Variants in SLC35D4 observed in about 807,000 individuals in gnomAD.
The protein encoded by SLC35D4 is UDP-N-acetylglucosamine transporter SLC35D4.
At chr18:23,404,979 C>T in the SLC35D4 span, among the ~76,000 whole-genome samples, 16,516 of 113,334 alleles carry the variant, frequency 0.15, 1,128 homozygotes, top group Middle Eastern at 0.31. Flanking sequence ...GGCAACAGAG[C>T]GAGACTCCGT....
the SLC35D4 span, among the ~76,000 whole-genome samples, chr18:23,302,573 G>A: frequency 6.6e-6 from 1 of 152,168 alleles, no homozygotes; most frequent in Admixed American, 6.5e-5. Context: ...CTAAGCTGTT[G>A]TCCATCCAAG....
the SLC35D4 span, chr18:23,309,835 G>T: frequency 8.0e-7 from 1 of 1,251,768 alleles, no homozygotes; most frequent in Non-Finnish European, 1.2e-6. Flanking sequence ...GCTCACTTGA[G>T]TTCGGATGCC....
the SLC35D4 span, among the ~76,000 whole-genome samples, chr18:23,299,265 C>A: frequency 1.3e-5 from 2 of 152,160 alleles, no homozygotes; most frequent in Non-Finnish European, 2.9e-5. Flanking sequence ...TCAGCAGCAA[C>A]CCACCCCTGT....
chr18:23,399,508 T>C, the SLC35D4 span: 3 of 1,530,092 alleles, frequency 2.0e-6, no homozygotes, highest in Non-Finnish European at 1.8e-6. Context: ...CATGATAAGT[T>C]AAAAGGCAAA....
At chr18:23,409,596 C>G in the SLC35D4 span, among the ~76,000 whole-genome samples, 1 of 152,162 alleles carries the variant, frequency 6.6e-6, no homozygotes, top group Non-Finnish European at 1.5e-5. Context: ...AATCCCACCA[C>G]TTTGGGAGGC....
the SLC35D4 span, chr18:23,253,862 G>T: frequency 1.2e-6 from 2 of 1,614,262 alleles, no homozygotes; most frequent in Non-Finnish European, 1.7e-6. Flanking sequence ...GAAGCTGTGT[G>T]CTGGGGCATG....
chr18:23,322,258 G>A, the SLC35D4 span, among the ~76,000 whole-genome samples: 97 of 152,326 alleles, frequency 6.4e-4, no homozygotes, highest in African/African-American at 2.3e-3. Context: ...AAAGGAAGCC[G>A]TGCCTTGCAT....
chr18:23,415,848 A>T, the SLC35D4 span, among the ~76,000 whole-genome samples: 1 of 152,150 alleles, frequency 6.6e-6, no homozygotes, highest in East Asian at 1.9e-4. Flanking sequence ...CAAGAGAATG[A>T]CCCCATAAGG....
the SLC35D4 span, among the ~76,000 whole-genome samples, chr18:23,381,094 C>T: frequency 9.2e-5 from 14 of 152,168 alleles, no homozygotes; most frequent in Admixed American, 2.6e-4. Flanking sequence ...TCATCAAGAA[C>T]ATATTACAGC....
chr18:23,270,659 C>T, the SLC35D4 span, among the ~76,000 whole-genome samples: 1 of 152,252 alleles, frequency 6.6e-6, no homozygotes, highest in East Asian at 1.9e-4. Flanking sequence ...TGGGAACCCA[C>T]CTCCTGCATC....
chr18:23,393,592 G>A, the SLC35D4 span, among the ~76,000 whole-genome samples: 1 of 152,004 alleles, frequency 6.6e-6, no homozygotes, highest in African/African-American at 2.4e-5. Context: ...CCTTTTTAAG[G>A]CTGAATAATA....
At chr18:23,356,556 A>G in the SLC35D4 span, 2 of 1,606,302 alleles carry the variant, frequency 1.2e-6, no homozygotes, top group South Asian at 1.1e-5. The surrounding 1 kb of genome is among the most constrained non-coding windows in gnomAD (Gnocchi z 4.1). Flanking sequence ...CACAGCGGAC[A>G]GCACAGAAAG....
the SLC35D4 span, chr18:23,421,337 A>G: frequency 6.3e-7 from 1 of 1,579,592 alleles, no homozygotes; most frequent in South Asian, 1.1e-5. Flanking sequence ...AGTGTGAATC[A>G]TGCATGAGTC....
the SLC35D4 span, among the ~76,000 whole-genome samples, chr18:23,428,407 C>T: frequency 6.6e-6 from 1 of 152,244 alleles, no homozygotes; most frequent in South Asian, 2.1e-4. Flanking sequence ...ATTATAGAAA[C>T]ATTCACGTAG....
the SLC35D4 span, among the ~76,000 whole-genome samples, chr18:23,287,749 A>T: frequency 6.6e-6 from 1 of 152,036 alleles, no homozygotes; most frequent in Non-Finnish European, 1.5e-5. Context: ...CCCCCACCCT[A>T]GCTCTCCCTG....
the SLC35D4 span, among the ~76,000 whole-genome samples, chr18:23,384,066 A>T: frequency 6.9e-6 from 1 of 145,790 alleles, no homozygotes; most frequent in African/African-American, 2.6e-5. Flanking sequence ...AGGCAGGAGG[A>T]TCCTTTAAGC....
chr18:23,255,609 G>C, the SLC35D4 span, among the ~76,000 whole-genome samples: 8 of 149,328 alleles, frequency 5.4e-5, no homozygotes, highest in Admixed American at 4.7e-4. Context: ...ACCCAGACTG[G>C]AGTGCAGTGG....
the SLC35D4 span, among the ~76,000 whole-genome samples, chr18:23,246,547 A>G: frequency 2.6e-5 from 4 of 151,850 alleles, no homozygotes; most frequent in East Asian, 5.9e-4. Context: ...ACCCGCCACC[A>G]CACCCGGCTA....
chr18:23,430,123 G>C, the SLC35D4 span, among the ~76,000 whole-genome samples: 1 of 152,090 alleles, frequency 6.6e-6, no homozygotes, highest in African/African-American at 2.4e-5. Flanking sequence ...TTTCTTCTTG[G>C]ATTTTTAGAG....
Sources: allele counts gnomAD v4.1 joint callset (sites outside exome capture counted in the v4.1 genomes callset), GRCh38; gene constraint gnomAD v4.1.1; non-coding constraint Gnocchi (gnomAD v3.1); transcripts MANE v1.5; gene names NCBI Gene and HGNC (gene_info 2026-07-23, HGNC 2026-07-21).